Variants in MCPH1 observed in about 807,000 individuals in gnomAD.
MCPH1 encodes the protein microcephalin.
In MCPH1, 104 loss-of-function variants were observed where a neutral mutation model predicts 84.5. The observed-to-expected ratio is 1.23, with a 90% CI of 1.05 to 1.45. The LOEUF (loss-of-function observed/expected upper bound fraction) is 1.45. Ranked by LOEUF, MCPH1 falls within the 40% of genes most tolerant of loss-of-function variation. MCPH1 has a pLI of 0.00. For missense variants in MCPH1, 1,498 were observed against 1,005.7 expected (o/e 1.49, Z -6.62); for synonymous variants, 514 against 366.8 (o/e 1.40, Z -4.58).
intron 7 of MCPH1, 54 bp downstream of exon 7, chr8:6,442,210 A>G (rs768205573): frequency 1.6e-5 from 18 of 1,145,348 alleles, no homozygotes; most frequent in African/African-American, 3.1e-5. Flanking sequence ...GAATAATATG[A>G]TTTTCTGATT....
At chr8:6,589,430 C>T (rs1586727086) in intron 12 of MCPH1, among the ~76,000 whole-genome samples, 1 of 152,134 alleles carries the variant, frequency 6.6e-6, no homozygotes, top group African/African-American at 2.4e-5. Flanking sequence ...ATGAGTTCAT[C>T]GACGGCCGAT....
intron 9 of MCPH1, among the ~76,000 whole-genome samples, chr8:6,471,444 G>C (rs1332641324): frequency 6.6e-6 from 1 of 152,094 alleles, no homozygotes; most frequent in African/African-American, 2.4e-5. Flanking sequence ...GATCAGGCAG[G>C]GATAATAAGA....
At chr8:6,583,835 A>G (rs898291912) in intron 12 of MCPH1, among the ~76,000 whole-genome samples, 1 of 124,560 alleles carries the variant, frequency 8.0e-6, no homozygotes, top group Non-Finnish European at 1.7e-5. Context: ...TTCCTAGGTT[A>G]TTGGTGTTCA....
chr8:6,418,540 A>C (rs1186880907), intron 3 of MCPH1, among the ~76,000 whole-genome samples: 1 of 152,102 alleles, frequency 6.6e-6, no homozygotes, highest in Admixed American at 6.5e-5. Context: ...TCTTCCCTTC[A>C]ACATTATTTG....
intron 8 of MCPH1, among the ~76,000 whole-genome samples, chr8:6,453,361 T>C (rs1236435661): frequency 2.0e-5 from 3 of 151,974 alleles, no homozygotes; most frequent in African/African-American, 7.2e-5. Flanking sequence ...ACTTCAGGAT[T>C]TGTGAAATTG....
At chr8:6,565,939 A>T (rs753061659) in intron 12 of MCPH1, among the ~76,000 whole-genome samples, 8 of 152,206 alleles carry the variant, frequency 5.3e-5, no homozygotes, top group Non-Finnish European at 8.8e-5. Context: ...AAATTATCGG[A>T]ACCAGAGAGT....
chr8:6,601,777 G>A (rs2442559), intron 12 of MCPH1, among the ~76,000 whole-genome samples: 143,650 of 148,290 alleles, frequency 0.97, 69,807 homozygotes, highest in Middle Eastern at 1. Context: ...ACCCAATCAC[G>A]TACCACATAT....
chr8:6,514,906 G>A (rs1054529601), intron 12 of MCPH1: 12 of 681,948 alleles, frequency 1.8e-5, no homozygotes, highest in South Asian at 7.4e-5. Flanking sequence ...TATAAGGCAC[G>A]GAGTAGACCA....
chr8:6,560,061 A>G lies in MCPH1; in HGVS notation c.2214+60132A>G, dbSNP rs532395628. Among the ~76,000 whole-genome samples, 5 of 152,328 alleles carry G rather than the reference A, an allele frequency of 3.3e-5. No individual in the cohort carries two copies. In the East Asian group the frequency reaches 9.6e-4, roughly 29 times the overall value. On this transcript the variant is annotated intron_variant, in intron 12 of 13. Coordinates refer to ENST00000344683, the MANE Select transcript of MCPH1 (RefSeq NM_024596.5). ...GGCTATGCTGACCACTCAGAGGTTG[A>G]ACTACTATTTATTTGCCCTAAAATG...
At chr8:6,466,764 C>T (rs910028837) in intron 9 of MCPH1, among the ~76,000 whole-genome samples, 1 of 151,808 alleles carries the variant, frequency 6.6e-6, no homozygotes, top group African/African-American at 2.4e-5. Flanking sequence ...TAAGTACAGA[C>T]GGGGTTTCAC....
At chr8:6,510,926 T>C (rs1814943529) in intron 12 of MCPH1, among the ~76,000 whole-genome samples, 2 of 152,364 alleles carry the variant, frequency 1.3e-5, no homozygotes, top group South Asian at 2.1e-4. Flanking sequence ...GCTCAGTCTC[T>C]AAATGCCTGC....
chr8:6,601,389 C>T (rs988871058), intron 12 of MCPH1, among the ~76,000 whole-genome samples: 6 of 152,122 alleles, frequency 3.9e-5, no homozygotes, highest in Non-Finnish European at 8.8e-5. Context: ...GTCCAGCCAC[C>T]TGGTTGCCTC....
chr8:6,474,194 A>C, intron 9 of MCPH1: 1 of 711,010 alleles, frequency 1.4e-6, no homozygotes, highest in South Asian at 1.5e-5. Flanking sequence ...GTCTTCATCT[A>C]AAATGGGACA....
At chr8:6,466,991 G>T (rs192014269) in intron 9 of MCPH1, among the ~76,000 whole-genome samples, 1 of 152,070 alleles carries the variant, frequency 6.6e-6, no homozygotes, top group Non-Finnish European at 1.5e-5. Flanking sequence ...ATTAATCCAG[G>T]GTAATTTCGA....
At chr8:6,431,634 GTTTTTAT>G in intron 4 of MCPH1, 48 bp downstream of exon 4, 1 of 1,290,198 alleles carries the variant, frequency 7.8e-7, no homozygotes, top group Non-Finnish European at 1.1e-6. Flanking sequence ...GAATTTATTC[GTTTTTAT>G]TTTTTATTTC....
chr8:6,616,545 G>C (rs1233388201), intron 12 of MCPH1: 9 of 152,224 alleles, frequency 5.9e-5, no homozygotes, highest in Admixed American at 6.5e-5. Flanking sequence ...TTAAGGCAAA[G>C]CTAATGTCCC....
At chr8:6,552,795 T>C (rs1472427297) in intron 12 of MCPH1, among the ~76,000 whole-genome samples, 4 of 150,934 alleles carry the variant, frequency 2.7e-5, no homozygotes, top group African/African-American at 9.9e-5. Flanking sequence ...CACTCAACAA[T>C]TGTTCTACAG....
At chr8:6,597,544 C>T (rs1586749143) in intron 12 of MCPH1, among the ~76,000 whole-genome samples, 1 of 152,148 alleles carries the variant, frequency 6.6e-6, no homozygotes, top group East Asian at 1.9e-4. Context: ...CCTCTCCCAG[C>T]CCAGAACATT....
rs559900972 is a variant in MCPH1, at chr8:6,448,958, A to C, written c.1825+3411A>C. ...ACACTGGAATACATTTTTTTTTGTA[A>C]TACAGGTCTATTAATGAGAAAAATA... On this transcript the variant is annotated intron_variant, in intron 8 of 13. Coordinates refer to ENST00000344683, the MANE Select transcript of MCPH1 (RefSeq NM_024596.5). 2.6e-5 allele frequency among the ~76,000 whole-genome samples: 4 copies of C among 152,194 alleles called. No homozygotes were observed. The South Asian group carries it at 8.3e-4, about 32-fold the overall frequency.
Sources: gnomAD v4.1 joint callset for allele counts (sites outside exome capture counted in the v4.1 genomes callset) on GRCh38, gnomAD v4.1.1 for gene constraint, MANE v1.5 for transcripts, NCBI Gene and HGNC (gene_info 2026-07-23, HGNC 2026-07-21) for gene names.